Variants in LINGO2 observed in about 807,000 individuals in gnomAD.
The protein encoded by LINGO2 is leucine-rich repeat and immunoglobulin-like domain-containing nogo receptor-interacting protein 2.
LINGO2 carries 14 observed loss-of-function variants against 30.6 expected under a neutral mutation model. The observed-to-expected ratio is 0.46, with a 90% confidence interval of 0.30 to 0.72. LINGO2 has a LOEUF of 0.72. LINGO2 is among the 30% of genes least tolerant of loss of function. The pLI, the probability that LINGO2 is intolerant of heterozygous loss-of-function variation, is 0.07. For missense variants in LINGO2, 729 were observed against 751.7 expected (o/e 0.97, Z 0.35); for synonymous variants, 317 against 288.5 (o/e 1.10, Z -1.00).
At chr9:29,191,822 G>T in the LINGO2 span, among the ~76,000 whole-genome samples, 2 of 152,030 alleles carry the variant, frequency 1.3e-5, no homozygotes, top group Non-Finnish European at 2.9e-5. Flanking sequence ...TTAAATATTA[G>T]CAGTACATTA....
the LINGO2 span, among the ~76,000 whole-genome samples, chr9:29,086,233 T>A: frequency 6.6e-6 from 1 of 152,318 alleles, no homozygotes; most frequent in East Asian, 1.9e-4. Flanking sequence ...TTGTGAGGGA[T>A]GTAAGAGTTA....
At chr9:28,986,676 A>G in the LINGO2 span, among the ~76,000 whole-genome samples, 2 of 152,036 alleles carry the variant, frequency 1.3e-5, no homozygotes, top group African/African-American at 4.8e-5. Context: ...AATTGAAAAT[A>G]TCATAAGTCA....
chr9:28,646,442 C>A (rs187401018), intron 1 of LINGO2, among the ~76,000 whole-genome samples: 78 of 152,140 alleles, frequency 5.1e-4, no homozygotes, highest in African/African-American at 1.7e-3. Context: ...GAGATTTGAA[C>A]AATTAACACC....
Position 28,319,238 on chromosome 9 carries a change from T to C in LINGO2, c.-245-23872A>G, listed in dbSNP as rs562257003. ...AAAGTAATAGGGATGGCCACCCACC[T>C]TCCGTGACTTGTGGCCCCTCTCCTC... On this transcript the variant is annotated intron_variant, in intron 3 of 5. Transcript: ENST00000379992. Among the ~76,000 whole-genome samples the C allele has an allele frequency of 8.5e-5, 13 of 152,336 alleles. No homozygotes were observed. In the East Asian group the frequency reaches 2.1e-3, roughly 25 times the overall value.
At chr9:28,615,458 T>C in intron 1 of LINGO2, among the ~76,000 whole-genome samples, 1 of 152,146 alleles carries the variant, frequency 6.6e-6, no homozygotes, top group East Asian at 1.9e-4. Context: ...GAATATTTTA[T>C]TCCCAGTGGC....
intron 1 of LINGO2, among the ~76,000 whole-genome samples, chr9:28,543,710 T>C (rs1587831187): frequency 6.6e-6 from 1 of 152,094 alleles, no homozygotes; most frequent in Non-Finnish European, 1.5e-5. Flanking sequence ...GCTTGAAAGA[T>C]TGTAGAACAT....
chr9:28,427,325 T>C (rs1169081626), intron 2 of LINGO2, among the ~76,000 whole-genome samples: 1 of 152,106 alleles, frequency 6.6e-6, no homozygotes, highest in Non-Finnish European at 1.5e-5. Context: ...CCACCTGCTC[T>C]CACACATGTT....
the LINGO2 span, among the ~76,000 whole-genome samples, chr9:28,708,596 G>T: frequency 6.6e-6 from 1 of 152,070 alleles, no homozygotes; most frequent in Non-Finnish European, 1.5e-5. Context: ...AGAACAGGAT[G>T]AACAGTTCAG....
At chr9:28,682,370 A>G in the LINGO2 span, among the ~76,000 whole-genome samples, 9 of 152,082 alleles carry the variant, frequency 5.9e-5, no homozygotes, top group Non-Finnish European at 1.3e-4. Flanking sequence ...CTTGTCAAAT[A>G]TTTGCCTTAA....
At chr9:27,947,448 G>T (rs375783097), downstream of LINGO2, among the ~76,000 whole-genome samples, 1 of 151,638 alleles carries the variant, frequency 6.6e-6, no homozygotes, top group Non-Finnish European at 1.5e-5. Context: ...CCTCAGTGGA[G>T]AAAAAAAACA....
rs542291292 is a variant in LINGO2 at position 28,636,776 on chromosome 9, G to C, written c.-365+33424C>G. On this transcript the variant is annotated intron_variant, in intron 1 of 5. Transcript: ENST00000379992. ...TTTTCTCCCATTCTGTAGGTTGCCT[G>C]TTCACTCTGATGTTAGTTTCTTTTG... is the stretch of plus-strand genomic sequence containing the variant. 6.6e-5 allele frequency among the ~76,000 whole-genome samples: 10 copies of C among 152,250 alleles called. No individual in the cohort carries two copies. In the East Asian group the frequency reaches 1.9e-3, roughly 29 times the overall value.
intron 1 of LINGO2, among the ~76,000 whole-genome samples, chr9:28,642,670 A>T (rs1334822422): frequency 6.6e-6 from 1 of 152,136 alleles, no homozygotes; most frequent in Non-Finnish European, 1.5e-5. Context: ...AAACTTAGAC[A>T]TGATTAAAGA....
chr9:28,509,767 A>C lies in LINGO2; in HGVS notation c.-364-33742T>G, dbSNP rs757439137. On this transcript the variant is annotated intron_variant, in intron 1 of 5. Coordinates refer to ENST00000379992, the Ensembl canonical transcript of LINGO2. ...GATGGCACTCTAATCTTAGACTTTC[A>C]GTTTCCAGAATTGCAAGGAAATAAA... Among the ~76,000 whole-genome samples, 6 of 152,212 alleles carry C rather than the reference A, an allele frequency of 3.9e-5. No individual in the cohort carries two copies. In the South Asian group the frequency reaches 6.2e-4, roughly 16 times the overall value.
chr9:28,651,268 G>A (rs1828091383), intron 1 of LINGO2, among the ~76,000 whole-genome samples: 1 of 152,018 alleles, frequency 6.6e-6, no homozygotes. Context: ...GTGTCCTGAT[G>A]AGTCACCTGT....
the LINGO2 span, among the ~76,000 whole-genome samples, chr9:28,860,899 A>T: frequency 6.9e-6 from 1 of 144,292 alleles, no homozygotes; most frequent in Non-Finnish European, 1.5e-5. Context: ...TTGAAGTTAA[A>T]TAAGACTTAA....
At chr9:28,121,089 C>G (rs936461021) in intron 4 of LINGO2, among the ~76,000 whole-genome samples, 6 of 152,062 alleles carry the variant, frequency 3.9e-5, no homozygotes, top group Non-Finnish European at 8.8e-5. Flanking sequence ...ATTTTTGGGT[C>G]TCCAGAACAC....
At chr9:29,091,278 G>A in the LINGO2 span, among the ~76,000 whole-genome samples, 6 of 151,966 alleles carry the variant, frequency 3.9e-5, no homozygotes, top group African/African-American at 1.4e-4. Context: ...CTTCTCAGTT[G>A]TGCCAATGGA....
At chr9:28,007,399 T>TA (rs1465075804) in intron 5 of LINGO2, among the ~76,000 whole-genome samples, 1 of 152,094 alleles carries the variant, frequency 6.6e-6, no homozygotes, top group African/African-American at 2.4e-5. Flanking sequence ...AACAGTCCAG[T>TA]ACCAAGTAAA....
chr9:28,137,198 G>GTGACAC (rs5897275), intron 4 of LINGO2, among the ~76,000 whole-genome samples: 31 of 148,210 alleles, frequency 2.1e-4, no homozygotes, highest in African/African-American at 7.4e-4. Flanking sequence ...GAAAATCCCT[G>GTGACAC]ACACACACAC....
Sources: gnomAD v4.1 joint callset for allele counts (sites outside exome capture counted in the v4.1 genomes callset) on GRCh38, gnomAD v4.1.1 for gene constraint, MANE v1.5 for transcripts, NCBI Gene and HGNC (gene_info 2026-07-23, HGNC 2026-07-21) for gene names.